DAB1: variants seen among roughly 807,000 people sequenced by gnomAD.
The protein encoded by DAB1 is disabled homolog 1.
In DAB1, 15 loss-of-function variants were observed where a neutral mutation model predicts 64.6. That is an observed-to-expected ratio of 0.23 (90% CI 0.16 to 0.36). DAB1 has a LOEUF of 0.36. DAB1 is among the 10% of genes least tolerant of loss of function. The pLI, the probability that DAB1 is intolerant of heterozygous loss-of-function variation, is 1.00. For missense variants in DAB1, 596 were observed against 706.7 expected (o/e 0.84, Z 1.78); for synonymous variants, 235 against 251.9 (o/e 0.93, Z 0.64).
intron 6 of DAB1, among the ~76,000 whole-genome samples, chr1:57,770,370 C>T (rs750719851): frequency 6.6e-5 from 10 of 152,156 alleles, no homozygotes; most frequent in Non-Finnish European, 1.2e-4. Context: ...TGGCCTCAGG[C>T]AATCCTCCCA....
intron 7 of DAB1, among the ~76,000 whole-genome samples, chr1:57,472,690 G>C (rs1471272149): frequency 6.6e-6 from 1 of 152,094 alleles, no homozygotes; most frequent in African/African-American, 2.4e-5. Flanking sequence ...CCTTAAAAAG[G>C]ACAGGAATTG....
At chr1:57,457,329 A>G (rs1488535162) in intron 7 of DAB1, among the ~76,000 whole-genome samples, 2 of 152,182 alleles carry the variant, frequency 1.3e-5, no homozygotes, top group African/African-American at 4.8e-5. Context: ...GGCAGTGGAC[A>G]GAAATTGGGT....
chr1:58,307,242 C>T (rs1662328838), intron 4 of DAB1, among the ~76,000 whole-genome samples: 1 of 152,174 alleles, frequency 6.6e-6, no homozygotes, highest in South Asian at 2.1e-4. Flanking sequence ...TAGTTCTGTT[C>T]CATTAGTTAC....
intron 1 of DAB1, among the ~76,000 whole-genome samples, chr1:57,311,229 A>T (rs1192100600): frequency 1.3e-5 from 2 of 152,078 alleles, no homozygotes; most frequent in African/African-American, 2.4e-5. Flanking sequence ...AGGCAGGATG[A>T]TGGAACAAAG....
Position 58,442,990 on chromosome 1 carries a change from A to G in DAB1, n.257+63070T>C, listed in dbSNP as rs1557763109. ...CAACAGAAAGCTTAGAAAACTGTAG[A>G]TGTTTAATAAATGTTTTTTCTAAGA... On this transcript the variant is annotated intron_variant and non_coding_transcript_variant, in intron 3 of 20. Coordinates refer to the DAB1 transcript ENST00000485760. Among the ~76,000 whole-genome samples the G allele has an allele frequency of 1.3e-5, 2 of 152,336 alleles. 1 individual carries two copies. The highest frequency in any genetic ancestry group is 4.1e-4 in the South Asian group (2 of 4,820).
chr1:57,667,657 A>T (rs1331714044), intron 6 of DAB1, among the ~76,000 whole-genome samples: 1 of 152,150 alleles, frequency 6.6e-6, no homozygotes. Flanking sequence ...ATTTTTGGGC[A>T]TTGAAATATG....
chr1:57,156,121 T>G (rs1569636438), intron 2 of DAB1, among the ~76,000 whole-genome samples: 1 of 152,130 alleles, frequency 6.6e-6, no homozygotes, highest in Non-Finnish European at 1.5e-5. Flanking sequence ...TCTGGAGGCT[T>G]CCAGGAGTCA....
At chr1:58,169,165 G>A (rs1656022830) in intron 4 of DAB1, among the ~76,000 whole-genome samples, 1 of 152,170 alleles carries the variant, frequency 6.6e-6, no homozygotes, top group Admixed American at 6.5e-5. Context: ...ATTCCAATCA[G>A]CAGGGTCCAG....
At chr1:57,882,657 G>A (rs1315228388) in intron 1 of DAB1, among the ~76,000 whole-genome samples, 1 of 152,084 alleles carries the variant, frequency 6.6e-6, no homozygotes, top group Non-Finnish European at 1.5e-5. Context: ...TAAGAATGAT[G>A]CTTACAAAAT....
At chr1:57,710,577 A>G (rs1349702124) in intron 6 of DAB1, among the ~76,000 whole-genome samples, 5 of 151,974 alleles carry the variant, frequency 3.3e-5, no homozygotes, top group African/African-American at 1.2e-4. Context: ...TATGTCCCCA[A>G]GTTGTTGCGA....
rs1413018778 is a variant in DAB1, at chr1:57,265,010, G to C, written c.67+25954C>G. ...GTAGGAATAGTGGAGGTTTCACCTT[G>C]AATTTACCTGAATTTCATTTTGCGG... On this transcript the variant is annotated intron_variant, in intron 2 of 14. Coordinates refer to ENST00000371236, the MANE Select transcript of DAB1 (RefSeq NM_001365792.1). Among the ~76,000 whole-genome samples, 5 of 152,132 alleles carry C rather than the reference G, an allele frequency of 3.3e-5. No homozygotes were observed. The South Asian group carries it at 8.3e-4, about 25-fold the overall frequency.
At chr1:58,383,809 C>T (rs1340021410) in intron 3 of DAB1, among the ~76,000 whole-genome samples, 1 of 152,130 alleles carries the variant, frequency 6.6e-6, no homozygotes, top group Non-Finnish European at 1.5e-5. Flanking sequence ...GTTTCCATAT[C>T]TTGGCTATTG....
At chr1:58,371,916 A>C (rs56131443) in intron 3 of DAB1, among the ~76,000 whole-genome samples, 14,185 of 152,280 alleles carry the variant, frequency 0.093, 668 homozygotes, top group Middle Eastern at 0.13. Context: ...GGATGTATGA[A>C]AATGCCAAAA....
chr1:57,315,396 G>A (rs540424955), intron 1 of DAB1, among the ~76,000 whole-genome samples: 7 of 152,272 alleles, frequency 4.6e-5, no homozygotes, highest in Middle Eastern at 3.4e-3. Flanking sequence ...CATCCTCAAA[G>A]GGCACACCTC....
intron 6 of DAB1, among the ~76,000 whole-genome samples, chr1:57,794,902 C>T (rs931432839): frequency 1.3e-5 from 2 of 152,200 alleles, no homozygotes; most frequent in African/African-American, 4.8e-5. Context: ...AGTGCTCAAG[C>T]AGGAATCAAG....
chr1:57,707,631 C>T (rs1476119123), intron 6 of DAB1, among the ~76,000 whole-genome samples: 1 of 152,062 alleles, frequency 6.6e-6, no homozygotes, highest in Non-Finnish European at 1.5e-5. Flanking sequence ...ATTTTACATT[C>T]TTGTGTCCAT....
At chr1:58,474,082 T>A in intron 3 of DAB1, 1 of 471,206 alleles carries the variant, frequency 2.1e-6, no homozygotes, top group Admixed American at 2.5e-5. Context: ...GAATCACCAA[T>A]AAAGCATCAA....
chr1:58,300,647 AGGAAGGAAGGAAGGAAGGAAGG>A (rs1662142352), intron 4 of DAB1, among the ~76,000 whole-genome samples: 3 of 41,786 alleles, frequency 7.2e-5, no homozygotes, highest in African/African-American at 1.6e-4. Flanking sequence ...AGAGAGAGAG[AGGAAGGAAGGAAGGAAGGAAGG>A]AAGGAAGGAA....
intron 4 of DAB1, among the ~76,000 whole-genome samples, chr1:58,293,072 C>T (rs1557724020): frequency 6.6e-6 from 1 of 152,184 alleles, no homozygotes; most frequent in Non-Finnish European, 1.5e-5. Context: ...AGAGCCAAGG[C>T]TTGAGTCTGT....
Sources: allele counts gnomAD v4.1 joint callset (sites outside exome capture counted in the v4.1 genomes callset), GRCh38; gene constraint gnomAD v4.1.1; transcripts MANE v1.5; gene names NCBI Gene and HGNC (gene_info 2026-07-23, HGNC 2026-07-21).